DNAH10: variants seen among roughly 807,000 people sequenced by gnomAD.
DNAH10 encodes axonemal beta dynein heavy chain 10.
In DNAH10, 348 loss-of-function variants were observed where a neutral mutation model predicts 506.6. That is an observed-to-expected ratio of 0.69 (90% confidence interval 0.63 to 0.75). The LOEUF (loss-of-function observed/expected upper bound fraction) is 0.75. Among genes scored for constraint, DNAH10 ranks in the 30% least tolerant of loss-of-function variants. The pLI, the probability that DNAH10 is intolerant of heterozygous loss-of-function variation, is 0.00. For missense variants in DNAH10, 5,179 were observed against 5,787.1 expected, an observed-to-expected ratio of 0.89 and a Z score of 3.41; for synonymous variants, 2,059 against 2,198.6, an observed-to-expected ratio of 0.94 and a Z score of 1.78.
rs376402035 is a variant in DNAH10 at position 123,859,189 on chromosome 12, C to T, written c.6670C>T (p.Arg2224Cys). The T allele has an allele frequency of 6.8e-6, 11 of 1,611,784 alleles. No homozygotes were observed. The highest frequency in any genetic ancestry group is 5.0e-5 in the Admixed American group (3 of 59,592). The part of the protein sequence containing the change: ...VVQMFETMLT[R>C]HTTMVVGPTR... ...TCAAATGTTCGAGACCATGTTAACC[C>T]GCCACACGACGATGGTGGTGGGGCC... The change falls in exon 38 of 79, where the codon CGC (arginine) becomes TGC (cysteine). Residue 2224 changes from arginine to cysteine, a missense_variant. By Grantham distance (180) the Arg-to-Cys change is radical. Transcript: ENST00000673944.
intron 78 of DNAH10, 146 bp from the exon 79 acceptor site, chr12:123,935,189 G>A: frequency 1.1e-6 from 1 of 926,290 alleles, no homozygotes; most frequent in Non-Finnish European, 1.6e-6. Context: ...GGCGGAGGGT[G>A]GCCCTGAGCA....
At chr12:123,801,477 A>G (rs566297407) in intron 16 of DNAH10, 45 bp downstream of exon 16, 1 of 1,587,052 alleles carries the variant, frequency 6.3e-7, no homozygotes, top group South Asian at 1.1e-5. Context: ...TTGGGATGCA[A>G]AGTAATTCTT....
At position 123,787,991 on chromosome 12, in the gene DNAH10, G is replaced by A. The variant is rs186760005; in HGVS notation, c.1609G>A (p.Asp537Asn). The A allele has an allele frequency of 4.7e-5, 73 of 1,568,950 alleles. No individual in the cohort carries two copies. Among genetic ancestry groups the A allele is most frequent in the African/African-American group, 1.9e-4 (14 of 74,174 alleles). Residue 537 changes from aspartate (D) to asparagine (N), a missense_variant, in exon 10 of 79, where the codon GAC becomes AAC. By Grantham distance (23) the Asp-to-Asn change is conservative. Coordinates refer to ENST00000673944, the MANE Select transcript of DNAH10 (RefSeq NM_001372106.1). The surrounding 1 kb of genome is among the most constrained non-coding windows in gnomAD (Gnocchi z 4.6). ...YMATICQDLS[D>N]VLQILEEFYN... ...GGCCACCATCTGCCAGGACCTCTCC[G>A]ACGTTCTGCAGGTAGGGGCTGGGCG... is the stretch of plus-strand genomic sequence containing the variant.
chr12:123,929,146 T>C (rs1444329758), intron 70 of DNAH10, 129 bp from the exon 71 acceptor site: 1 of 918,560 alleles, frequency 1.1e-6, no homozygotes, highest in Middle Eastern at 2.9e-4. Context: ...CAAGAGACTT[T>C]AGCTATTGGA....
chr12:123,877,210 C>T (rs1952292290), intron 47 of DNAH10, among the ~76,000 whole-genome samples: 1 of 152,168 alleles, frequency 6.6e-6, no homozygotes, highest in Non-Finnish European at 1.5e-5. Flanking sequence ...TAAATAGAGT[C>T]ATAAAGCACG....
chr12:123,894,320 G>A (rs1953124575), intron 53 of DNAH10, among the ~76,000 whole-genome samples: 1 of 151,448 alleles, frequency 6.6e-6, no homozygotes, highest in African/African-American at 2.4e-5. Context: ...GCAGTGGTGT[G>A]ATCTTGGCTC....
chr12:123,839,228 A>AAC lies in DNAH10; in HGVS notation c.5136+540_5136+541insCA, dbSNP rs1555228676. ...CTTTTTATAAACTAAAAAAAAAAAA[A>AAC]AAACAAAAAAACCAGAAATATATGA... On this transcript the variant is annotated intron_variant, in intron 29 of 78. Transcript: ENST00000673944. 3.4e-3 allele frequency among the ~76,000 whole-genome samples: 515 copies of AAC among 151,994 alleles called. 2 individuals carry two copies. The highest frequency in any genetic ancestry group is 0.01 in the African/African-American group (434 of 41,356).
chr12:123,929,427 G>A lies in DNAH10; in HGVS notation c.12459G>A (p.Arg4153=). Residue 4153 remains arginine, a synonymous_variant, in exon 71 of 79, where the codon AGG becomes AGA. Transcript: ENST00000673944. ...TTCATGCTGTGGTGCAGGAGAGAAG[G>A]AAGTTTGGGAAGATTGGCTGGAACG... ...AFFHAVVQER[R]KFGKIGWNVY... 6.2e-7 allele frequency: 1 copy of A among 1,613,776 alleles called. No homozygotes were observed. The highest frequency in any genetic ancestry group is 8.5e-7 in the Non-Finnish European group (1 of 1,179,828).
At position 123,916,375 on chromosome 12, in the gene DNAH10, A is replaced by G. The variant is rs571110900; in HGVS notation, c.10723-82A>G. Reference sequence around the variant, plus strand: ...CAAGTTCCTGGCCCATCCACTTCCCACTTCCAAGCCATTCTCCCCTTATAT... The same window carrying G: ...CAAGTTCCTGGCCCATCCACTTCCCGCTTCCAAGCCATTCTCCCCTTATAT... On this transcript the variant is annotated intron_variant, in intron 62 of 78. Transcript: ENST00000673944. This position sits in a 1 kb window ranked among gnomAD's most constrained non-coding sequence, Gnocchi z 4.6. 1.2e-3 allele frequency: 1,829 copies of G among 1,525,446 alleles called. 5 individuals carry two copies. Among genetic ancestry groups the G allele is most frequent in the Middle Eastern group, 6.6e-3 (29 of 4,400 alleles). 94.5% of individuals were successfully genotyped at this position (1,525,446 alleles called of 1,614,324 possible).
intron 27 of DNAH10, among the ~76,000 whole-genome samples, chr12:123,833,724 T>A (rs79859086): frequency 1.3e-5 from 2 of 152,346 alleles, no homozygotes; most frequent in African/African-American, 2.4e-5. Context: ...TTTAAAAAAA[T>A]GTCTGTTGAC....
At chr12:123,774,039 A>G (rs1957350248) in intron 4 of DNAH10, 110 bp from the exon 5 acceptor site, 1 of 738,826 alleles carries the variant, frequency 1.4e-6, no homozygotes, top group East Asian at 2.5e-5. Context: ...TAACCAGAAC[A>G]TTCCTTGTAG....
At chr12:123,915,469 A>G (rs1954433543) in intron 62 of DNAH10, among the ~76,000 whole-genome samples, 1 of 152,100 alleles carries the variant, frequency 6.6e-6, no homozygotes, top group Non-Finnish European at 1.5e-5. Flanking sequence ...GTCTTAGAAC[A>G]TTTTTATTAT....
chr12:123,895,511 G>T (rs989918342), intron 54 of DNAH10, among the ~76,000 whole-genome samples: 25 of 152,158 alleles, frequency 1.6e-4, no homozygotes, highest in African/African-American at 6.0e-4. Flanking sequence ...GGTCCAGATG[G>T]TAAATATTTA....
intron 25 of DNAH10, among the ~76,000 whole-genome samples, chr12:123,828,071 C>A (rs1007200304): frequency 7.2e-5 from 11 of 151,946 alleles, no homozygotes; most frequent in Non-Finnish European, 1.5e-4. Flanking sequence ...TTATATTTTT[C>A]TTCCTATCAG....
chr12:123,929,342 A>G lies in DNAH10; in HGVS notation c.12374A>G (p.Glu4125Gly), dbSNP rs771166420. Reference sequence around the variant, plus strand: ...GCAACTTACTTCAAGATCTCTCACGAAATGCTGGACCAGTGCCCGCACCCT... The same window carrying G: ...GCAACTTACTTCAAGATCTCTCACGGAATGCTGGACCAGTGCCCGCACCCT... ...MRATYFKISH[E>G]MLDQCPHPAF... The change falls in exon 71 of 79, where the codon GAA (glutamate) becomes GGA (glycine). Residue 4125 changes from glutamate (E) to glycine (G), a missense_variant. Around this residue, in one of 3 missense-constraint regions of DNAH10, gnomAD observed 4,844 missense variants for 5,430.5 expected, o/e 0.89. Coordinates refer to ENST00000673944, the MANE Select transcript of DNAH10 (RefSeq NM_001372106.1). 6.2e-7 allele frequency: 1 copy of G among 1,609,692 alleles called. No homozygotes were observed. The highest frequency in any genetic ancestry group is 1.1e-5 in the South Asian group (1 of 89,918).
chr12:123,898,137 G>C (rs976312446), intron 55 of DNAH10, among the ~76,000 whole-genome samples, 170 bp downstream of exon 55: 1 of 152,212 alleles, frequency 6.6e-6, no homozygotes, highest in Non-Finnish European at 1.5e-5. Flanking sequence ...CAGGACCCTG[G>C]CATGTCCTTA....
At chr12:123,794,210 C>A in intron 12 of DNAH10, 98 bp downstream of exon 12, 1 of 938,456 alleles carries the variant, frequency 1.1e-6, no homozygotes, top group Non-Finnish European at 1.3e-6. Context: ...CATCTGAATT[C>A]AGAGAAACTA....
chr12:123,859,272 A>C lies in DNAH10; in HGVS notation c.6749+4A>C. The C allele has an allele frequency of 6.3e-7, 1 of 1,590,668 alleles. No homozygotes were observed. Among genetic ancestry groups the C allele is most frequent in the South Asian group, 1.2e-5 (1 of 86,094 alleles). On this transcript the variant is annotated splice_donor_region_variant and intron_variant, in intron 38 of 78. Coordinates refer to ENST00000673944, the MANE Select transcript of DNAH10 (RefSeq NM_001372106.1). ...CTCTGTGTCAGGCCCAGACCAAGTG[A>C]GTATGACCTCCGTAGGGAGGGCCTG... is the stretch of plus-strand genomic sequence containing the variant.
In DNAH10 at chr12:123,866,008, G is replaced by A; in HGVS notation, c.7102G>A (p.Val2368Met). The change falls in exon 41 of 79, where the codon GTG becomes ATG. Residue 2368 changes from valine (V) to methionine (M), a missense_variant. Transcript: ENST00000673944. The part of the protein sequence containing the change: ...ATVSRCGMVY[V>M]DPKNLKYRPY... ...TGTCTCTCGATGTGGAATGGTTTAT[G>A]TGGATCCTAAAAACTTGAAATATCG... 6.2e-7 allele frequency: 1 copy of A among 1,612,592 alleles called. No individual in the cohort carries two copies.
Sources: allele counts gnomAD v4.1 joint callset (sites outside exome capture counted in the v4.1 genomes callset), GRCh38; gene constraint gnomAD v4.1.1; regional missense constraint gnomAD v4.1.1; non-coding constraint Gnocchi (gnomAD v3.1); transcripts MANE v1.5; gene names NCBI Gene and HGNC (gene_info 2026-07-23, HGNC 2026-07-21).